Variants in CBLIF observed in about 807,000 individuals in gnomAD.
CBLIF encodes gastric intrinsic factor (vitamin B synthesis).
CBLIF carries 24 observed loss-of-function variants against 44.9 expected under a neutral mutation model. The ratio of observed to expected loss-of-function variants is 0.53; its 90% confidence interval spans 0.39 to 0.75. CBLIF has a LOEUF of 0.75. Among genes scored for constraint, CBLIF ranks in the 30% least tolerant of loss-of-function variants. The pLI is 0.00. For synonymous variants in CBLIF, 183 were observed against 190.9 expected, an observed-to-expected ratio of 0.96 and a Z score of 0.34; for missense variants, 481 against 513.0, an observed-to-expected ratio of 0.94 and a Z score of 0.60.
At chr11:59,833,396 A>G (rs1416297518) in intron 7 of CBLIF, among the ~76,000 whole-genome samples, 3 of 151,982 alleles carry the variant, frequency 2.0e-5, no homozygotes, top group Admixed American at 6.6e-5. Context: ...GGGTGCCTAT[A>G]ATCCCAGCTA....
chr11:59,829,636 C>T, intron 8 of CBLIF, 91 bp from the exon 9 acceptor site: 1 of 791,980 alleles, frequency 1.3e-6, no homozygotes, highest in Non-Finnish European at 2.3e-6. Context: ...ATGCAGTGAA[C>T]CCATTAAATG....
At position 59,837,269 on chromosome 11, in the gene CBLIF, T is replaced by C; in HGVS notation, c.776A>G (p.Gln259Arg). 6.2e-7 allele frequency: 1 copy of C among 1,613,050 alleles called. No homozygotes were observed. The highest frequency in any genetic ancestry group is 8.5e-7 in the Non-Finnish European group (1 of 1,178,976). ...GGACATGGGGTTGTGGAATTTCCCC[T>C]GCTTAATCTCATTGAGTATCATATC... ...TTDMILNEIK[Q>R]GKFHNPMSIA... Residue 259 changes from glutamine to arginine, a missense_variant, in exon 6 of 9, where the codon CAG becomes CGG. By Grantham distance (43) the Gln-to-Arg change is conservative (BLOSUM62 1). Transcript: ENST00000257248.
chr11:59,838,536 T>G (rs1045556394), intron 5 of CBLIF, among the ~76,000 whole-genome samples: 1 of 151,776 alleles, frequency 6.6e-6, no homozygotes, highest in Admixed American at 6.6e-5. Context: ...TCAGCTAGGG[T>G]CAGTATGCAC....
intron 5 of CBLIF, among the ~76,000 whole-genome samples, chr11:59,838,816 G>A (rs1866486474): frequency 6.7e-6 from 1 of 150,022 alleles, no homozygotes; most frequent in Non-Finnish European, 1.5e-5. Flanking sequence ...CCATCAAGAA[G>A]TTTATCAGTT....
intron 7 of CBLIF, among the ~76,000 whole-genome samples, chr11:59,834,212 C>A (rs1322938700): frequency 6.6e-6 from 1 of 151,236 alleles, no homozygotes; most frequent in East Asian, 1.9e-4. Context: ...CTCCAAAAGC[C>A]TGCCTTTCTG....
Position 59,831,762 on chromosome 11 carries a change from C to G in CBLIF, c.1108G>C (p.Val370Leu), listed in dbSNP as rs199655061. The change falls in exon 8 of 9, where the codon GTC (valine) becomes CTC (leucine). Residue 370 changes from valine to leucine, a missense_variant. Coordinates refer to ENST00000257248, the MANE Select transcript of CBLIF (RefSeq NM_005142.3). Reference protein sequence around the residue: ...ETTMTSWGLVVSSINNIAENV... With the variant: ...ETTMTSWGLVLSSINNIAENV... ...TCCGCGATATTGTTGATAGAAGAGA[C>G]GACAAGGCCCCAAGATGTCATTGTG... 10 of 1,604,760 alleles carry G rather than the reference C, an allele frequency of 6.2e-6. No individual in the cohort carries two copies. Among genetic ancestry groups the G allele is most frequent in the African/African-American group, 1.3e-5 (1 of 74,756 alleles).
chr11:59,835,847 A>G lies in CBLIF; in HGVS notation c.1034T>C (p.Val345Ala), dbSNP rs905392611. The G allele has an allele frequency of 2.5e-6, 4 of 1,614,160 alleles. No homozygotes were observed. Among genetic ancestry groups the G allele is most frequent in the Non-Finnish European group, 3.4e-6 (4 of 1,179,982 alleles). ...TTTGCGCTGTGCTTCCTCTAGGACA[A>G]CAAGTAACACTGACCCACTTTTCAC... ...VSVKSGSVLLVVLEEAQRKNP... is the reference protein window; with the variant it reads ...VSVKSGSVLLAVLEEAQRKNP... Residue 345 changes from valine (V) to alanine (A), a missense_variant, in exon 7 of 9, where the codon GTT becomes GCT. Coordinates refer to ENST00000257248, the MANE Select transcript of CBLIF (RefSeq NM_005142.3).
chr11:59,832,597 T>C (rs578209), intron 7 of CBLIF, among the ~76,000 whole-genome samples: 1,652 of 152,094 alleles, frequency 0.011, 34 homozygotes, highest in African/African-American at 0.038. Flanking sequence ...AGACCAGCCT[T>C]GGCAATATAG....
intron 8 of CBLIF, among the ~76,000 whole-genome samples, 187 bp from the exon 9 acceptor site, chr11:59,829,732 T>A (rs1866344023): frequency 3.3e-5 from 5 of 152,238 alleles, no homozygotes; most frequent in Admixed American, 3.3e-4. Context: ...GGAGTTCTTG[T>A]TTCCAGTCTC....
intron 7 of CBLIF, among the ~76,000 whole-genome samples, chr11:59,834,382 C>T (rs547837454): frequency 1.5e-5 from 2 of 129,982 alleles, no homozygotes; most frequent in African/African-American, 2.9e-5. Context: ...TCCTTCTTTC[C>T]TTCCTTTTTT....
intron 8 of CBLIF, among the ~76,000 whole-genome samples, chr11:59,830,160 T>C (rs984595047): frequency 6.6e-6 from 1 of 151,746 alleles, no homozygotes; most frequent in Non-Finnish European, 1.5e-5. Flanking sequence ...TTTACCATTC[T>C]TTCTCCCAGG....
At position 59,834,222 on chromosome 11, in the gene CBLIF, GTTTC is replaced by G. The variant is rs1260688027; in HGVS notation, c.1073+1582_1073+1585del. 6.7e-4 allele frequency among the ~76,000 whole-genome samples: 99 copies of G among 147,482 alleles called. 1 individual carries two copies. Among genetic ancestry groups the G allele is most frequent in the African/African-American group, 2.3e-3 (87 of 38,588 alleles). On this transcript the variant is annotated intron_variant, in intron 7 of 8. Transcript: ENST00000257248. ...TATGCCTCCAAAAGCCTGCCTTTCT[GTTTC>G]TTTCTTTCTTTCTTTTTCTTTCTTT... is the stretch of plus-strand genomic sequence containing the variant.
At chr11:59,844,879 G>A (rs1448466022) in intron 1 of CBLIF, among the ~76,000 whole-genome samples, 1 of 152,054 alleles carries the variant, frequency 6.6e-6, no homozygotes, top group Non-Finnish European at 1.5e-5. Flanking sequence ...ACAGGGTGCT[G>A]CTGTGTCATC....
At chr11:59,832,428 A>G (rs1232064801) in intron 7 of CBLIF, among the ~76,000 whole-genome samples, 1 of 152,150 alleles carries the variant, frequency 6.6e-6, no homozygotes, top group African/African-American at 2.4e-5. Context: ...CCCCCATGAC[A>G]CAGTTTACCT....
intron 8 of CBLIF, among the ~76,000 whole-genome samples, chr11:59,830,320 T>C (rs1441045908): frequency 6.7e-6 from 1 of 150,348 alleles, no homozygotes; most frequent in Non-Finnish European, 1.5e-5. Flanking sequence ...CACTGCAAGC[T>C]TCGCCTCCTG....
At chr11:59,841,074 T>C (rs1590859329) in intron 5 of CBLIF, 69 bp downstream of exon 5, 4 of 1,106,922 alleles carry the variant, frequency 3.6e-6, no homozygotes, top group South Asian at 2.5e-5. Context: ...AGTAGAAGCC[T>C]GGCCTCTTGA....
chr11:59,840,748 TGCATC>T (rs1866514518), intron 5 of CBLIF, among the ~76,000 whole-genome samples: 1 of 152,188 alleles, frequency 6.6e-6, no homozygotes, highest in African/African-American at 2.4e-5. Context: ...CTGGTAAGAT[TGCATC>T]AGAAAATTGT....
chr11:59,840,808 C>A (rs1866515722), intron 5 of CBLIF, among the ~76,000 whole-genome samples: 1 of 151,950 alleles, frequency 6.6e-6, no homozygotes, highest in African/African-American at 2.4e-5. Flanking sequence ...ATTTATACAT[C>A]AAAATTGTAA....
Position 59,831,803 on chromosome 11 carries a change from A to C in CBLIF, c.1074-7T>G, listed in dbSNP as rs1590854759. 7.3e-7 allele frequency: 1 copy of C among 1,364,138 alleles called. No homozygotes were observed. The highest frequency in any genetic ancestry group is 1.1e-6 in the Non-Finnish European group (1 of 951,534). The allele number at this position is 1,364,138 out of a possible 1,614,324, so 84.5% of individuals were successfully genotyped here. Reference sequence around the variant, plus strand: ...TGTCATTGTGGTTTCAAATCTAAAAAAAAGTTTATATATGATTAACATCTC... The same window carrying C: ...TGTCATTGTGGTTTCAAATCTAAAACAAAGTTTATATATGATTAACATCTC... On this transcript the variant is annotated splice_region_variant and splice_polypyrimidine_tract_variant and intron_variant, in intron 7 of 8. Coordinates refer to ENST00000257248, the MANE Select transcript of CBLIF (RefSeq NM_005142.3).
Sources: gnomAD v4.1 joint callset for allele counts (sites outside exome capture counted in the v4.1 genomes callset) on GRCh38, gnomAD v4.1.1 for gene constraint, MANE v1.5 for transcripts, NCBI Gene and HGNC (gene_info 2026-07-23, HGNC 2026-07-21) for gene names.